Variants in KCNH7 observed in about 807,000 individuals in gnomAD.
KCNH7 encodes voltage-gated inwardly rectifying potassium channel KCNH7.
Under a neutral mutation model 120.8 loss-of-function variants are expected in KCNH7, and 49 were observed. The observed-to-expected ratio is 0.41, with a 90% CI of 0.32 to 0.51. The LOEUF (loss-of-function observed/expected upper bound fraction) is 0.51. Ranked by LOEUF, KCNH7 falls within the 20% of genes least tolerant of loss-of-function variation. KCNH7 has a pLI of 0.38. For synonymous variants in KCNH7, 547 were observed against 516.1 expected (o/e 1.06, Z -0.81); for missense variants, 1,097 against 1,446.6 (o/e 0.76, Z 3.92).
At chr2:162,714,191 C>T (rs1687028773) in intron 2 of KCNH7, among the ~76,000 whole-genome samples, 2 of 152,122 alleles carry the variant, frequency 1.3e-5, no homozygotes, top group South Asian at 4.1e-4. Context: ...TAGACTCCAG[C>T]CTGGGGGTTA....
chr2:162,540,940 G>C (rs1416460011), intron 2 of KCNH7, among the ~76,000 whole-genome samples: 1 of 152,052 alleles, frequency 6.6e-6, no homozygotes, highest in Non-Finnish European at 1.5e-5. Flanking sequence ...TGAGGGGTCT[G>C]TTTGGGATGT....
At chr2:162,421,575 T>G (rs1318088288) in intron 9 of KCNH7, among the ~76,000 whole-genome samples, 1 of 152,184 alleles carries the variant, frequency 6.6e-6, no homozygotes, top group African/African-American at 2.4e-5. Flanking sequence ...AAGGGTGTTC[T>G]CCACAATTTA....
At chr2:162,491,539 C>G in intron 6 of KCNH7, among the ~76,000 whole-genome samples, 1 of 152,110 alleles carries the variant, frequency 6.6e-6, no homozygotes, top group South Asian at 2.1e-4. Context: ...ATCTATGACA[C>G]AGACAAGGTA....
intron 2 of KCNH7, among the ~76,000 whole-genome samples, chr2:162,572,798 C>T (rs1693529390): frequency 6.7e-6 from 1 of 148,674 alleles, no homozygotes; most frequent in Admixed American, 6.8e-5. Context: ...ACCACAAGAA[C>T]AAAAAACCAA....
chr2:162,779,561 G>A (rs1683397924), intron 2 of KCNH7, among the ~76,000 whole-genome samples: 1 of 152,076 alleles, frequency 6.6e-6, no homozygotes, highest in South Asian at 2.1e-4. Context: ...TTCCTATCCT[G>A]TAAGAGCTAA....
intron 2 of KCNH7, among the ~76,000 whole-genome samples, chr2:162,744,784 A>C (rs562927292): frequency 2.6e-5 from 4 of 152,196 alleles, no homozygotes; most frequent in East Asian, 1.9e-4. Context: ...CATGTTAGCC[A>C]GGATGGTCTC....
chr2:162,609,985 T>C (rs775064563), intron 2 of KCNH7, among the ~76,000 whole-genome samples: 14 of 152,168 alleles, frequency 9.2e-5, no homozygotes, highest in South Asian at 2.1e-4. Context: ...AAGCTACCTT[T>C]AGGAGAATAG....
intron 8 of KCNH7, among the ~76,000 whole-genome samples, chr2:162,427,175 C>G (rs1426802285): frequency 6.6e-6 from 1 of 151,834 alleles, no homozygotes; most frequent in Non-Finnish European, 1.5e-5. Context: ...AATAAAACTG[C>G]CATGAACACT....
chr2:162,396,453 C>G (rs767287367), intron 11 of KCNH7, among the ~76,000 whole-genome samples: 2 of 151,766 alleles, frequency 1.3e-5, no homozygotes, highest in Non-Finnish European at 2.9e-5. Flanking sequence ...ATAATTGGCA[C>G]ACTATAAACA....
chr2:162,616,443 T>G (rs552401157), intron 2 of KCNH7, among the ~76,000 whole-genome samples: 1 of 152,316 alleles, frequency 6.6e-6, no homozygotes, highest in South Asian at 2.1e-4. Context: ...ACTTAGACTT[T>G]TATCCTTGTG....
intron 2 of KCNH7, among the ~76,000 whole-genome samples, chr2:162,713,841 C>T (rs972202138): frequency 4.6e-5 from 7 of 152,006 alleles, no homozygotes; most frequent in Admixed American, 1.3e-4. Context: ...CTCTGCCTCC[C>T]GGGTTCAAGT....
intron 2 of KCNH7, among the ~76,000 whole-genome samples, chr2:162,555,253 G>A (rs370318283): frequency 1.1e-3 from 173 of 152,256 alleles, no homozygotes; most frequent in African/African-American, 3.5e-3. Context: ...AAGTAAATCC[G>A]TCCTTCCTCT....
At chr2:162,488,848 A>G (rs1355730595) in intron 6 of KCNH7, among the ~76,000 whole-genome samples, 2 of 152,348 alleles carry the variant, frequency 1.3e-5, no homozygotes, top group Admixed American at 1.3e-4. Flanking sequence ...CTTGCCCGGC[A>G]TAACGAACAT....
intron 6 of KCNH7, among the ~76,000 whole-genome samples, chr2:162,447,802 A>G (rs1212715651): frequency 1.3e-5 from 2 of 151,988 alleles, no homozygotes; most frequent in Admixed American, 1.3e-4. Flanking sequence ...ATCCCCACAT[A>G]ATGAGTTACC....
chr2:162,560,963 A>T (rs931474312), intron 2 of KCNH7, among the ~76,000 whole-genome samples: 16 of 152,210 alleles, frequency 1.1e-4, no homozygotes, highest in African/African-American at 3.9e-4. Context: ...TAGTGTCCAC[A>T]AGGGTGTCTG....
intron 2 of KCNH7, among the ~76,000 whole-genome samples, chr2:162,588,031 C>G (rs1043629748): frequency 2.6e-5 from 4 of 152,076 alleles, no homozygotes; most frequent in African/African-American, 9.7e-5. Context: ...AATAGGAATA[C>G]TAGTGGCATT....
intron 2 of KCNH7, among the ~76,000 whole-genome samples, chr2:162,690,788 CTTTA>C (rs927101906): frequency 6.6e-5 from 10 of 152,076 alleles, no homozygotes; most frequent in African/African-American, 2.4e-4. Context: ...TTAACAGCAC[CTTTA>C]TTTAGGGAGA....
chr2:162,465,409 T>C (rs1362989642), intron 6 of KCNH7, among the ~76,000 whole-genome samples: 1 of 152,190 alleles, frequency 6.6e-6, no homozygotes, highest in East Asian at 1.9e-4. Context: ...GTTTAAATTT[T>C]ATTCAGATTT....
intron 14 of KCNH7, among the ~76,000 whole-genome samples, chr2:162,377,603 TTG>T (rs1472394458): frequency 6.6e-6 from 1 of 152,128 alleles, no homozygotes; most frequent in East Asian, 1.9e-4. Flanking sequence ...GAAGTATGTT[TTG>T]TGTTAGGTTA....
Sources: gnomAD v4.1 joint callset for allele counts (sites outside exome capture counted in the v4.1 genomes callset) on GRCh38, gnomAD v4.1.1 for gene constraint, MANE v1.5 for transcripts, NCBI Gene and HGNC (gene_info 2026-07-23, HGNC 2026-07-21) for gene names.